Variants in MLLT3 observed in about 807,000 individuals in gnomAD.
MLLT3 encodes protein AF-9.
Under a neutral mutation model 53.2 loss-of-function variants are expected in MLLT3, and 4 were observed. The observed-to-expected ratio is 0.08, with a 90% CI of 0.04 to 0.17. The LOEUF (loss-of-function observed/expected upper bound fraction) is 0.17, where lower values mean the gene tolerates loss of function less well. MLLT3 is among the 10% of genes least tolerant of loss of function. The pLI is 1.00. For missense variants in MLLT3, 569 were observed against 684.0 expected, an observed-to-expected ratio of 0.83 and a Z score of 1.87; for synonymous variants, 283 against 230.6, an observed-to-expected ratio of 1.23 and a Z score of -2.06.
intron 2 of MLLT3, among the ~76,000 whole-genome samples, chr9:20,475,175 T>C (rs924621408): frequency 6.6e-6 from 1 of 151,988 alleles, no homozygotes; most frequent in Non-Finnish European, 1.5e-5. Context: ...GTGAAGTTAT[T>C]TGTGATGGGA....
At chr9:20,567,304 T>TAAAAAAAAAAAAAAAA (rs35505450) in intron 2 of MLLT3, among the ~76,000 whole-genome samples, 1 of 79,974 alleles carries the variant, frequency 1.3e-5, no homozygotes, top group African/African-American at 4.8e-5. Flanking sequence ...CTATATTCAG[T>TAAAAAAAAAAAAAAAA]AAAAAAAAAA....
rs1821045726 is a variant in MLLT3, at chr9:20,622,370, G to C, written c.-114C>G. ...ATGAATGAGAGCGCGCCCAGGAGCGGAGGGTAGATGGCGGACATTCTCTGC... is the reference window on the plus strand; with the variant it reads ...ATGAATGAGAGCGCGCCCAGGAGCGCAGGGTAGATGGCGGACATTCTCTGC... On this transcript the variant is annotated 5_prime_UTR_variant, in exon 1 of 11. Coordinates refer to ENST00000380338, the MANE Select transcript of MLLT3 (RefSeq NM_004529.4). 1 of 965,890 alleles carries C rather than the reference G, an allele frequency of 1.0e-6. No individual in the cohort carries two copies. Among genetic ancestry groups the C allele is most frequent in the African/African-American group, 1.7e-5 (1 of 59,338 alleles). 59.8% of individuals were successfully genotyped at this position (965,890 alleles called of 1,614,324 possible).
chr9:20,403,532 A>C (rs1356038158), intron 5 of MLLT3, among the ~76,000 whole-genome samples: 1 of 152,180 alleles, frequency 6.6e-6, no homozygotes, highest in African/African-American at 2.4e-5. Context: ...TTTAAAGGGG[A>C]GGAAGTGACT....
At chr9:20,564,897 G>A (rs1461994656) in intron 2 of MLLT3, among the ~76,000 whole-genome samples, 3 of 152,222 alleles carry the variant, frequency 2.0e-5, no homozygotes, top group South Asian at 2.1e-4. Context: ...CAAGGCAAAT[G>A]TTTTGTAGTC....
intron 2 of MLLT3, among the ~76,000 whole-genome samples, chr9:20,598,164 AAACC>A (rs1472182610): frequency 3.3e-5 from 5 of 152,224 alleles, no homozygotes; most frequent in Non-Finnish European, 5.9e-5. Flanking sequence ...AAAGAGAAGC[AAACC>A]AACATAAAAT....
At chr9:20,509,872 AT>A (rs944346119) in intron 2 of MLLT3, among the ~76,000 whole-genome samples, 63 of 149,716 alleles carry the variant, frequency 4.2e-4, no homozygotes, top group Admixed American at 2.1e-3. Context: ...TACAATTATT[AT>A]TTTTTTTTTT....
At chr9:20,364,536 G>T (rs973927940) in intron 6 of MLLT3, among the ~76,000 whole-genome samples, 1 of 152,148 alleles carries the variant, frequency 6.6e-6, no homozygotes, top group South Asian at 2.1e-4. Flanking sequence ...CTATGACAGG[G>T]ATATCTGAGC....
At chr9:20,382,047 G>A (rs988628364) in intron 5 of MLLT3, among the ~76,000 whole-genome samples, 1 of 151,858 alleles carries the variant, frequency 6.6e-6, no homozygotes, top group Non-Finnish European at 1.5e-5. Flanking sequence ...CAGAGGAGAA[G>A]GGTATCTTTT....
At chr9:20,360,497 T>C (rs1339507232) in intron 8 of MLLT3, among the ~76,000 whole-genome samples, 1 of 152,226 alleles carries the variant, frequency 6.6e-6, no homozygotes, top group Non-Finnish European at 1.5e-5. Flanking sequence ...CAATACTTTT[T>C]GTCACCCTCT....
chr9:20,526,498 C>T (rs537619405), intron 2 of MLLT3, among the ~76,000 whole-genome samples: 36 of 152,272 alleles, frequency 2.4e-4, no homozygotes, highest in Non-Finnish European at 4.6e-4. Flanking sequence ...ATGTGTATGG[C>T]TTCTTAAGAG....
chr9:20,600,722 C>G (rs1207883653), intron 2 of MLLT3, among the ~76,000 whole-genome samples: 1 of 152,124 alleles, frequency 6.6e-6, no homozygotes, highest in African/African-American at 2.4e-5. Context: ...AACTGACTGC[C>G]TGAACACCCA....
intron 2 of MLLT3, among the ~76,000 whole-genome samples, chr9:20,544,936 T>G (rs897371450): frequency 5.3e-5 from 8 of 151,802 alleles, no homozygotes; most frequent in African/African-American, 1.9e-4. Flanking sequence ...AATTAAAAAT[T>G]AGCCAACGTG....
chr9:20,511,642 G>A lies in MLLT3; in HGVS notation c.194-54856C>T, dbSNP rs575899893. Among the ~76,000 whole-genome samples the A allele has an allele frequency of 2.0e-4, 30 of 152,284 alleles. No individual in the cohort carries two copies. In the South Asian group the frequency reaches 6.2e-3, roughly 32 times the overall value. On this transcript the variant is annotated intron_variant, in intron 2 of 10. Transcript: ENST00000380338. Reference sequence around the variant, plus strand: ...TGGCCTATGACAGAGCCTATGAATAGCCACTGTACTCCAGCCTCACAACAT... The same window carrying A: ...TGGCCTATGACAGAGCCTATGAATAACCACTGTACTCCAGCCTCACAACAT...
At position 20,523,392 on chromosome 9, in the gene MLLT3, A is replaced by G. The variant is rs549791525; in HGVS notation, c.194-66606T>C. Among the ~76,000 whole-genome samples the G allele has an allele frequency of 2.6e-5, 4 of 152,350 alleles. No individual in the cohort carries two copies. In the South Asian group the frequency reaches 8.3e-4, roughly 32 times the overall value. ...GGTATTTACTCCAAAGGAGTTGAAA[A>G]TTTAAGTCCATACAAAAACCTACAC... On this transcript the variant is annotated intron_variant, in intron 2 of 10. Coordinates refer to ENST00000380338, the MANE Select transcript of MLLT3 (RefSeq NM_004529.4).
At chr9:20,507,954 A>C (rs1383898724) in intron 2 of MLLT3, among the ~76,000 whole-genome samples, 1 of 152,190 alleles carries the variant, frequency 6.6e-6, no homozygotes, top group African/African-American at 2.4e-5. Context: ...AAAGCAGTTT[A>C]CATGAGGGGA....
At chr9:20,412,348 T>A (rs1229739615) in intron 5 of MLLT3, among the ~76,000 whole-genome samples, 1 of 152,250 alleles carries the variant, frequency 6.6e-6, no homozygotes, top group Non-Finnish European at 1.5e-5. Context: ...CTCCATTTCA[T>A]AAATTATGAC....
At chr9:20,379,853 T>C (rs564683740) in intron 5 of MLLT3, among the ~76,000 whole-genome samples, 1 of 152,126 alleles carries the variant, frequency 6.6e-6, no homozygotes, top group Non-Finnish European at 1.5e-5. Flanking sequence ...ACAGGCACCA[T>C]GACTCCTACT....
At chr9:20,590,116 C>G (rs1587108149) in intron 2 of MLLT3, among the ~76,000 whole-genome samples, 1 of 152,120 alleles carries the variant, frequency 6.6e-6, no homozygotes, top group Admixed American at 6.5e-5. Flanking sequence ...GTTGGAAAAT[C>G]TTTTTCTACC....
At chr9:20,604,806 G>A (rs1394507181) in intron 2 of MLLT3, among the ~76,000 whole-genome samples, 2 of 152,066 alleles carry the variant, frequency 1.3e-5, no homozygotes, top group Non-Finnish European at 2.9e-5. Flanking sequence ...AATGGATAAC[G>A]AAAACAAAAT....
Sources: gnomAD v4.1 joint callset for allele counts (sites outside exome capture counted in the v4.1 genomes callset) on GRCh38, gnomAD v4.1.1 for gene constraint, MANE v1.5 for transcripts, NCBI Gene and HGNC (gene_info 2026-07-23, HGNC 2026-07-21) for gene names.